The following RHOT1 variants were observed in gnomAD, a reference collection of about 807,000 sequenced individuals.
The protein encoded by RHOT1 is mitochondrial Rho GTPase 1.
Under a neutral mutation model 95.3 loss-of-function variants are expected in RHOT1, and 27 were observed. The observed-to-expected ratio is 0.28, with a 90% CI of 0.21 to 0.39. The LOEUF (loss-of-function observed/expected upper bound fraction) is 0.39. Among genes scored for constraint, RHOT1 ranks in the 10% least tolerant of loss-of-function variants. The pLI is 1.00. For missense variants in RHOT1, 578 were observed against 786.7 expected (o/e 0.73, Z 3.17); for synonymous variants, 227 against 263.5 (o/e 0.86, Z 1.34).
chr17:32,195,937 CA>C (rs2036851396), intron 11 of RHOT1, among the ~76,000 whole-genome samples: 1 of 152,118 alleles, frequency 6.6e-6, no homozygotes, highest in African/African-American at 2.4e-5. Flanking sequence ...TTAAGTATGA[CA>C]GTTAGGAAAT....
At chr17:32,168,763 A>G (rs1023344736) in intron 1 of RHOT1, among the ~76,000 whole-genome samples, 1 of 152,126 alleles carries the variant, frequency 6.6e-6, no homozygotes, top group Non-Finnish European at 1.5e-5. Context: ...AGAAAGAGAA[A>G]GCATTGGCTT....
rs2030503396 is a variant in RHOT1 at position 32,142,587 on chromosome 17, C to G, written c.-106C>G. ...AACTGAGGGGGCGGCGCGGCGGGCC[C>G]CGGCGGCCGAAGAGGCTGGCAGGTG... is the stretch of plus-strand genomic sequence containing the variant. On this transcript the variant is annotated 5_prime_UTR_variant, in exon 1 of 20. Coordinates refer to ENST00000545287, the MANE Select transcript of RHOT1 (RefSeq NM_001033566.3). The G allele has an allele frequency of 1.0e-6, 1 of 987,258 alleles. No individual in the cohort carries two copies. The highest frequency in any genetic ancestry group is 1.4e-6 in the Non-Finnish European group (1 of 717,518). The allele number at this position is 987,258 out of a possible 1,614,324, so 61.2% of individuals were successfully genotyped here. A position where few individuals can be genotyped will look rare whatever the true frequency, so the allele number is the denominator to read the frequency against.
At chr17:32,192,765 G>A (rs181658668) in intron 9 of RHOT1, among the ~76,000 whole-genome samples, 175 of 150,888 alleles carry the variant, frequency 1.2e-3, no homozygotes, top group Non-Finnish European at 2.0e-3. Flanking sequence ...TCCGCTGCCC[G>A]GGTTCAAGCG....
rs1176483888 is a variant in RHOT1, at chr17:32,208,298, G to A, written c.1728G>A (p.Met576Ile). The A allele has an allele frequency of 1.2e-6, 2 of 1,613,702 alleles. No individual in the cohort carries two copies. The highest frequency in any genetic ancestry group is 2.7e-5 in the African/African-American group (2 of 74,900). ...SKDIFVKLTTMAMYPHARLRC... is the reference protein window; with the variant it reads ...SKDIFVKLTTIAMYPHARLRC... ...ATATCTTTGTTAAATTGACAACAAT[G>A]GCCATGTATCCGTAAGTACTTGCTG... The change falls in exon 18 of 20, where the codon ATG (methionine) becomes ATA (isoleucine). Residue 576 changes from methionine (M) to isoleucine (I), a missense_variant. By Grantham distance (10) the Met-to-Ile change is conservative (BLOSUM62 1). This residue lies in a region of RHOT1 where 296 missense variants were observed against 338.5 expected (regional missense o/e 0.87). Transcript: ENST00000545287.
intron 1 of RHOT1, among the ~76,000 whole-genome samples, chr17:32,169,210 G>A (rs2034367073): frequency 6.6e-6 from 1 of 152,150 alleles, no homozygotes; most frequent in Admixed American, 6.6e-5. Context: ...AGAAGGGAAT[G>A]TGACTTTTCT....
chr17:32,220,467 C>G (rs1292414273), intron 19 of RHOT1, among the ~76,000 whole-genome samples: 2 of 152,044 alleles, frequency 1.3e-5, no homozygotes, highest in African/African-American at 4.8e-5. Context: ...AAGTCCATAC[C>G]TTATAACACG....
At chr17:32,174,884 C>T (rs1184363664) in intron 3 of RHOT1, among the ~76,000 whole-genome samples, 1 of 152,140 alleles carries the variant, frequency 6.6e-6, no homozygotes, top group East Asian at 1.9e-4. Context: ...ACAGTTTTGC[C>T]TCTGGGTCTT....
intron 19 of RHOT1, among the ~76,000 whole-genome samples, chr17:32,214,894 CTTTTTTTTTTTTT>C (rs551151153): frequency 0.049 from 2,565 of 52,806 alleles, 53 homozygotes; most frequent in Middle Eastern, 0.074. Context: ...AAAGGCTTGT[CTTTTTTTTTTTTT>C]TTTTTTTTTT....
Position 32,208,293 on chromosome 17 carries a change from A to G in RHOT1, c.1723A>G (p.Thr575Ala). The change falls in exon 18 of 20, where the codon ACA (threonine) becomes GCA (alanine). Residue 575 changes from threonine (T) to alanine (A), a missense_variant. By Grantham distance (58) the Thr-to-Ala change is moderately conservative. Coordinates refer to ENST00000545287, the MANE Select transcript of RHOT1 (RefSeq NM_001033566.3). ...PSKDIFVKLTTMAMYPHARLR... is the reference protein window; with the variant it reads ...PSKDIFVKLTAMAMYPHARLR... ...TAAGGATATCTTTGTTAAATTGACA[A>G]CAATGGCCATGTATCCGTAAGTACT... 1 of 1,614,034 alleles carries G rather than the reference A, an allele frequency of 6.2e-7. No individual in the cohort carries two copies. Among genetic ancestry groups the G allele is most frequent in the East Asian group, 2.2e-5 (1 of 44,880 alleles).
Position 32,174,061 on chromosome 17 carries a change from T to G in RHOT1, c.178+149T>G, listed in dbSNP as rs2034797234. ...TTACGATTCTTATCTCATTTATGTC[T>G]GTCAACCTCTACCCTATACCCCACC... On this transcript the variant is annotated intron_variant, in intron 3 of 19. Transcript: ENST00000545287. 5 of 633,668 alleles carry G rather than the reference T, an allele frequency of 7.9e-6. No individual in the cohort carries two copies. The East Asian group carries it at 1.4e-4, about 18-fold the overall frequency. 39.3% of individuals were successfully genotyped at this position (633,668 alleles called of 1,614,324 possible). A position where few individuals can be genotyped will look rare whatever the true frequency, so the allele number is the denominator to read the frequency against.
chr17:32,151,474 C>A, intron 1 of RHOT1: 1 of 612,288 alleles, frequency 1.6e-6, no homozygotes, highest in East Asian at 3.8e-5. Flanking sequence ...AAGAGTCTAG[C>A]TAGGGATTCT....
At chr17:32,224,059 T>C (rs967869761) in intron 19 of RHOT1, among the ~76,000 whole-genome samples, 1 of 152,230 alleles carries the variant, frequency 6.6e-6, no homozygotes, top group East Asian at 1.9e-4. Context: ...TAATGCAAAC[T>C]GATAAATCTT....
intron 1 of RHOT1, among the ~76,000 whole-genome samples, chr17:32,154,717 A>C (rs2032753265): frequency 6.6e-6 from 1 of 151,242 alleles, no homozygotes; most frequent in Non-Finnish European, 1.5e-5. Context: ...ACATGGTGAA[A>C]CCATGTCTTT....
chr17:32,202,486 T>G (rs766277345), intron 14 of RHOT1, among the ~76,000 whole-genome samples: 3 of 152,210 alleles, frequency 2.0e-5, no homozygotes, highest in Non-Finnish European at 4.4e-5. Flanking sequence ...GATATTTTCC[T>G]TATGAAAATA....
At chr17:32,199,573 T>A in intron 13 of RHOT1, 23 bp downstream of exon 13, 1 of 1,551,922 alleles carries the variant, frequency 6.4e-7, no homozygotes, top group South Asian at 1.2e-5. Context: ...CTCACCTCTT[T>A]CCTCTAGAGT....
intron 1 of RHOT1, among the ~76,000 whole-genome samples, chr17:32,161,296 C>T (rs1326590117): frequency 6.6e-6 from 1 of 152,128 alleles, no homozygotes; most frequent in East Asian, 1.9e-4. Context: ...TGATTGGGGG[C>T]CACAGGATCG....
At chr17:32,222,059 T>G (rs149080271) in intron 19 of RHOT1, among the ~76,000 whole-genome samples, 4 of 152,320 alleles carry the variant, frequency 2.6e-5, no homozygotes, top group African/African-American at 9.6e-5. Flanking sequence ...ATCCTAATTC[T>G]TTTTTCCTCC....
At chr17:32,184,204 A>G (rs2035857116) in intron 8 of RHOT1, among the ~76,000 whole-genome samples, 1 of 152,044 alleles carries the variant, frequency 6.6e-6, no homozygotes, top group Admixed American at 6.6e-5. Context: ...CATCACCCCA[A>G]AGAGAAACCC....
At chr17:32,185,341 C>A (rs1420451073) in intron 8 of RHOT1, among the ~76,000 whole-genome samples, 1 of 152,030 alleles carries the variant, frequency 6.6e-6, no homozygotes, top group African/African-American at 2.4e-5. Context: ...AACACCCAAC[C>A]TCAGGTGATC....
Sources: gnomAD v4.1 joint callset for allele counts (sites outside exome capture counted in the v4.1 genomes callset) on GRCh38, gnomAD v4.1.1 for gene constraint, gnomAD v4.1.1 regional missense constraint, MANE v1.5 for transcripts, NCBI Gene and HGNC (gene_info 2026-07-23, HGNC 2026-07-21) for gene names.